IKZF3: variants seen among roughly 807,000 people sequenced by gnomAD.
IKZF3 encodes the protein IKAROS family zinc finger 3, also known as zinc finger protein Aiolos.
In IKZF3, 10 loss-of-function variants were observed where a neutral mutation model predicts 49.0. The ratio of observed to expected loss-of-function variants is 0.20; its 90% confidence interval spans 0.13 to 0.35. The LOEUF (loss-of-function observed/expected upper bound fraction) is 0.35, where lower values mean the gene tolerates loss of function less well. Among genes scored for constraint, IKZF3 ranks in the 10% least tolerant of loss-of-function variants. The probability of loss-of-function intolerance (pLI) is 1.00; values close to 1 mark genes in which losing one functional copy is unlikely to be tolerated. For missense variants in IKZF3, 498 were observed against 664.8 expected (o/e 0.75, Z 2.76); for synonymous variants, 209 against 228.2 (o/e 0.92, Z 0.76).
chr17:39,838,820 A>T (rs973338372), intron 1 of IKZF3, among the ~76,000 whole-genome samples: 2 of 152,156 alleles, frequency 1.3e-5, no homozygotes, highest in Admixed American at 1.3e-4. Context: ...CCTCTGAAGC[A>T]TGTAGGAATC....
chr17:39,766,193 C>A lies in IKZF3; in HGVS notation c.1127G>T (p.Gly376Val), dbSNP rs202150924. 16 of 1,614,100 alleles carry A rather than the reference C, an allele frequency of 9.9e-6. No homozygotes were observed. Among genetic ancestry groups the A allele is most frequent in the East Asian group, 2.2e-5 (1 of 44,876 alleles). Reference sequence around the variant, plus strand: ...GTGGCCACTATTGTTGGGAGAGAGGCCTCTCTCAGAAGGCACGCTCTTCTC... The same window carrying A: ...GTGGCCACTATTGTTGGGAGAGAGGACTCTCTCAGAAGGCACGCTCTTCTC... ...LPEKSVPSER[G>V]LSPNNSGHDS... Residue 376 changes from glycine (G) to valine (V), a missense_variant, in exon 8 of 8, where the codon GGC becomes GTC. This residue lies in a region of IKZF3 where 317 missense variants were observed against 397.3 expected (regional missense o/e 0.80). Coordinates refer to ENST00000346872, the MANE Select transcript of IKZF3 (RefSeq NM_012481.5).
chr17:39,805,887 T>C (rs2061422189), intron 3 of IKZF3, among the ~76,000 whole-genome samples: 1 of 152,256 alleles, frequency 6.6e-6, no homozygotes, highest in South Asian at 2.1e-4. Flanking sequence ...GTCCTTTCTA[T>C]TTCAAACAGC....
intron 7 of IKZF3, among the ~76,000 whole-genome samples, chr17:39,774,008 AT>A (rs1348475967): frequency 9.2e-5 from 14 of 152,226 alleles, no homozygotes; most frequent in African/African-American, 2.9e-4. Context: ...AGAAAAAAAA[AT>A]ATTTTTCTCC....
At chr17:39,766,661 C>T (rs980590207) in intron 7 of IKZF3, among the ~76,000 whole-genome samples, 168 bp from the exon 8 acceptor site, 4 of 152,100 alleles carry the variant, frequency 2.6e-5, no homozygotes, top group African/African-American at 7.2e-5. Context: ...GGACACTGGT[C>T]GGCAGCAACG....
chr17:39,833,373 C>T (rs2062171008), intron 1 of IKZF3, among the ~76,000 whole-genome samples: 1 of 152,086 alleles, frequency 6.6e-6, no homozygotes, highest in Non-Finnish European at 1.5e-5. Context: ...CAGAACATTA[C>T]CATCATCCCA....
intron 1 of IKZF3, chr17:39,836,223 C>T (rs915936267): frequency 3.2e-6 from 2 of 627,142 alleles, no homozygotes; most frequent in African/African-American, 3.7e-5. Context: ...CTCCTATAAC[C>T]ACCAGCTCGG....
chr17:39,851,275 C>T (rs763941069), intron 1 of IKZF3, among the ~76,000 whole-genome samples: 2 of 151,766 alleles, frequency 1.3e-5, no homozygotes, highest in South Asian at 2.1e-4. Flanking sequence ...GTGATCTGCC[C>T]GCCTCGGTCT....
At chr17:39,791,215 A>G (rs1391415853) in intron 5 of IKZF3, among the ~76,000 whole-genome samples, 1 of 152,090 alleles carries the variant, frequency 6.6e-6, no homozygotes, top group Admixed American at 6.5e-5. Context: ...GATGGTGAGG[A>G]GATGATCATC....
At chr17:39,786,066 G>A (rs1194530565) in intron 6 of IKZF3, among the ~76,000 whole-genome samples, 5 of 152,138 alleles carry the variant, frequency 3.3e-5, no homozygotes, top group South Asian at 4.1e-4. Context: ...GGGGGAATAG[G>A]GAGTGACTGC....
chr17:39,836,573 T>C (rs1200358921), intron 1 of IKZF3, among the ~76,000 whole-genome samples: 1 of 152,236 alleles, frequency 6.6e-6, no homozygotes. Flanking sequence ...GATCTATGGA[T>C]ATACTAATTT....
chr17:39,788,402 G>A, intron 5 of IKZF3, 28 bp from the exon 6 acceptor site: 1 of 1,474,134 alleles, frequency 6.8e-7, no homozygotes, highest in South Asian at 1.1e-5. Flanking sequence ...GGGGCACTCA[G>A]TGACCCTCAG....
chr17:39,855,763 TTTAA>T (rs2063020616), intron 1 of IKZF3, among the ~76,000 whole-genome samples: 1 of 152,152 alleles, frequency 6.6e-6, no homozygotes, highest in Non-Finnish European at 1.5e-5. Flanking sequence ...CAGAACAGTT[TTTAA>T]TTAAACTACT....
chr17:39,785,131 AG>A (rs1280640967), intron 6 of IKZF3, among the ~76,000 whole-genome samples: 1 of 152,220 alleles, frequency 6.6e-6, no homozygotes. Context: ...AATTCTAAGA[AG>A]GAAACAGAAA....
chr17:39,780,312 TGTTA>T (rs1473302893), intron 6 of IKZF3, among the ~76,000 whole-genome samples: 4 of 151,884 alleles, frequency 2.6e-5, no homozygotes, highest in Non-Finnish European at 5.9e-5. Context: ...AAAAACTGTA[TGTTA>T]GTCATTACAC....
At chr17:39,828,230 A>G (rs1163843012) in intron 3 of IKZF3, among the ~76,000 whole-genome samples, 1 of 152,220 alleles carries the variant, frequency 6.6e-6, no homozygotes, top group Non-Finnish European at 1.5e-5. Flanking sequence ...CCTTTACCCC[A>G]TCTGGCAAAA....
chr17:39,821,260 T>C (rs2061803352), intron 3 of IKZF3, among the ~76,000 whole-genome samples: 1 of 152,066 alleles, frequency 6.6e-6, no homozygotes, highest in South Asian at 2.1e-4. Flanking sequence ...AGAATTGAAT[T>C]GAATTGTTGG....
chr17:39,799,757 A>G (rs1244461494), intron 3 of IKZF3, among the ~76,000 whole-genome samples: 1 of 152,128 alleles, frequency 6.6e-6, no homozygotes, highest in African/African-American at 2.4e-5. Context: ...TCCTTCTACC[A>G]TTTCAATAGT....
intron 7 of IKZF3, among the ~76,000 whole-genome samples, chr17:39,767,475 C>A (rs1235171239): frequency 4.6e-5 from 7 of 152,132 alleles, no homozygotes; most frequent in African/African-American, 1.4e-4. Flanking sequence ...GGAAGTGGAG[C>A]CGAGTGCTGG....
intron 3 of IKZF3, among the ~76,000 whole-genome samples, chr17:39,815,526 T>C (rs927308545): frequency 3.9e-5 from 6 of 152,220 alleles, no homozygotes; most frequent in African/African-American, 1.4e-4. Context: ...AATAATATTC[T>C]TTCTCATGAT....
Sources: gnomAD v4.1 joint callset for allele counts (sites outside exome capture counted in the v4.1 genomes callset) on GRCh38, gnomAD v4.1.1 for gene constraint, gnomAD v4.1.1 regional missense constraint, MANE v1.5 for transcripts, NCBI Gene and HGNC (gene_info 2026-07-23, HGNC 2026-07-21) for gene names.